COA1: variants seen among roughly 807,000 people sequenced by gnomAD.
The protein encoded by COA1 is cytochrome c oxidase assembly factor 1 homolog.
In COA1, 13 loss-of-function variants were observed where a neutral mutation model predicts 16.0. The ratio of observed to expected loss-of-function variants is 0.81; its 90% CI spans 0.53 to 1.29. COA1 has a LOEUF of 1.29. Ranked by LOEUF, COA1 falls within the 50% of genes most tolerant of loss-of-function variation. The pLI is 0.00. For synonymous variants in COA1, 65 were observed against 65.7 expected (o/e 0.99, Z 0.05); for missense variants, 179 against 177.0 (o/e 1.01, Z -0.06).
Position 43,619,694 on chromosome 7 carries a change from G to A in COA1, c.*134-10199C>T, listed in dbSNP as rs144946086. On this transcript the variant is annotated intron_variant and NMD_transcript_variant, in intron 6 of 6. Transcript: ENST00000415076. ...ATATTGAAGAACAGTGAAGAGCTCC[G>A]AGAAATTATGGGTACCCCTGAATAT... 52 of 1,613,858 alleles carry A rather than the reference G, an allele frequency of 3.2e-5. No individual in the cohort carries two copies. The African/African-American group carries it at 5.1e-4, about 16-fold the overall frequency.
At chr7:43,640,832 T>G (rs193253859) in intron 4 of COA1, 183 bp from the exon 5 acceptor site, 4 of 530,664 alleles carry the variant, frequency 7.5e-6, no homozygotes, top group Non-Finnish European at 1.3e-5. Context: ...CCTGCCCCTC[T>G]TTGGTTGGCT....
At position 43,682,850 on chromosome 7, in the gene COA1, TTTTG is replaced by T. The variant is rs951693063; in HGVS notation, c.-38-34202_-38-34199del. The stretch of plus-strand genomic sequence containing the variant: ...AGCTGATAGTTTGTTTTTTGGGGTT[TTTTG>T]TTTGTTTGTTTTTGAGACACAGTCT... On this transcript the variant is annotated intron_variant, in intron 1 of 5. Coordinates refer to ENST00000223336, the MANE Select transcript of COA1 (RefSeq NM_018224.4). 5.5e-4 allele frequency among the ~76,000 whole-genome samples: 84 copies of T among 152,214 alleles called. 1 individual carries two copies. The highest frequency in any genetic ancestry group is 2.4e-3 in the Admixed American group (36 of 15,284).
chr7:43,728,135 C>G (rs1316692214), intron 1 of COA1, among the ~76,000 whole-genome samples: 6 of 152,038 alleles, frequency 3.9e-5, no homozygotes, highest in African/African-American at 1.4e-4. Flanking sequence ...CCACCACGCC[C>G]GGCTAATTTT....
intron 6 of COA1, chr7:43,623,687 T>TTGC (rs2084168828): frequency 6.2e-7 from 1 of 1,601,158 alleles, no homozygotes; most frequent in African/African-American, 1.3e-5. Context: ...TAAATTTTTC[T>TTGC]TGCATTTTCT....
chr7:43,669,526 G>C (rs184652443), intron 1 of COA1, among the ~76,000 whole-genome samples: 1 of 151,960 alleles, frequency 6.6e-6, no homozygotes, highest in African/African-American at 2.4e-5. Context: ...AGGGTGGGAG[G>C]GCCAGTTTTT....
intron 1 of COA1, among the ~76,000 whole-genome samples, chr7:43,710,375 A>AAATATATATATATAT (rs761592421): frequency 2.7e-5 from 1 of 36,434 alleles, no homozygotes; most frequent in African/African-American, 1.3e-4. Flanking sequence ...AAAAAAAAAA[A>AAATATATATATATAT]ATATATATAT....
chr7:43,715,234 CAAATT>C (rs1236267903), intron 1 of COA1, among the ~76,000 whole-genome samples: 2 of 151,842 alleles, frequency 1.3e-5, no homozygotes, highest in Non-Finnish European at 2.9e-5. Flanking sequence ...TGACATTGAT[CAAATT>C]AATCTGAGTG....
At chr7:43,653,780 G>A (rs1459423138) in intron 1 of COA1, among the ~76,000 whole-genome samples, 1 of 152,046 alleles carries the variant, frequency 6.6e-6, no homozygotes, top group Non-Finnish European at 1.5e-5. Flanking sequence ...AGAGATGTCT[G>A]CTACTCATCC....
intron 1 of COA1, among the ~76,000 whole-genome samples, chr7:43,687,056 T>C (rs981937681): frequency 6.6e-6 from 1 of 152,226 alleles, no homozygotes; most frequent in African/African-American, 2.4e-5. Flanking sequence ...CTTTTCTTCC[T>C]TTATCCATGC....
At chr7:43,685,830 C>T (rs75242778) in intron 1 of COA1, among the ~76,000 whole-genome samples, 5,830 of 152,150 alleles carry the variant, frequency 0.038, 146 homozygotes, top group Non-Finnish European at 0.056. Context: ...CAAATACCTC[C>T]CCATTAAGAG....
At chr7:43,697,139 CAAAT>C (rs561892606) in intron 1 of COA1, among the ~76,000 whole-genome samples, 1 of 150,556 alleles carries the variant, frequency 6.6e-6, no homozygotes, top group Non-Finnish European at 1.5e-5. Flanking sequence ...AAACAAAAAA[CAAAT>C]AAAAAAAAGA....
rs566586345 is a variant in COA1, at chr7:43,688,778, T to G, written c.-38-40126A>C. On this transcript the variant is annotated intron_variant, in intron 1 of 5. Transcript: ENST00000223336. ...GGCTGTTTGAGCTCCTGCCATCAAA[T>G]GTACATAATAGCCAGTAGGAAAGAG... Among the ~76,000 whole-genome samples, 8 of 152,308 alleles carry G rather than the reference T, an allele frequency of 5.3e-5. No homozygotes were observed. In the South Asian group the frequency reaches 1.0e-3, roughly 20 times the overall value.
At chr7:43,643,931 C>T (rs1284140000) in intron 4 of COA1, among the ~76,000 whole-genome samples, 2 of 152,168 alleles carry the variant, frequency 1.3e-5, no homozygotes, top group East Asian at 1.9e-4. Context: ...TAATGTAGGT[C>T]GGATCACCTC....
intron 6 of COA1, among the ~76,000 whole-genome samples, chr7:43,612,963 A>C (rs984330439): frequency 2.6e-5 from 4 of 152,238 alleles, no homozygotes; most frequent in African/African-American, 9.7e-5. Context: ...GAGAAACAAC[A>C]ACCCTGGCAA....
chr7:43,653,978 A>G (rs1461177966), intron 1 of COA1, among the ~76,000 whole-genome samples: 1 of 152,316 alleles, frequency 6.6e-6, no homozygotes, highest in East Asian at 1.9e-4. Context: ...ACACACAAGA[A>G]AAGACAGAAA....
At chr7:43,644,089 G>C (rs909457125) in intron 4 of COA1, among the ~76,000 whole-genome samples, 2 of 152,012 alleles carry the variant, frequency 1.3e-5, no homozygotes, top group East Asian at 3.9e-4. Context: ...GTATCACACT[G>C]ACAGGCGACA....
chr7:43,716,826 G>T (rs186086794), intron 1 of COA1, among the ~76,000 whole-genome samples: 1 of 152,304 alleles, frequency 6.6e-6, no homozygotes, highest in Non-Finnish European at 1.5e-5. Flanking sequence ...CCCATGCTGT[G>T]TGCAGCCTAG....
downstream of COA1, among the ~76,000 whole-genome samples, chr7:43,637,827 T>TA (rs2086156827): frequency 6.6e-6 from 1 of 152,240 alleles, no homozygotes; most frequent in East Asian, 1.9e-4. Flanking sequence ...ACTCTACACT[T>TA]ACTTTTACTT....
chr7:43,622,926 C>T (rs771880643), intron 6 of COA1: 1 of 152,618 alleles, frequency 6.6e-6, no homozygotes, highest in Non-Finnish European at 1.5e-5. Flanking sequence ...TGGTCTTGAA[C>T]TCCTGGTTCA....
Sources: allele counts gnomAD v4.1 joint callset (sites outside exome capture counted in the v4.1 genomes callset), GRCh38; gene constraint gnomAD v4.1.1; transcripts MANE v1.5; gene names NCBI Gene and HGNC (gene_info 2026-07-23, HGNC 2026-07-21).